The following GNAQ variants were observed in gnomAD, a reference collection of about 807,000 sequenced individuals.
The protein encoded by GNAQ is guanine nucleotide-binding protein G(q) subunit alpha.
A neutral mutation model predicts 43.9 loss-of-function variants in GNAQ; 8 were observed. The ratio of observed to expected loss-of-function variants is 0.18; its 90% CI spans 0.11 to 0.33. GNAQ has a LOEUF of 0.33. Among genes scored for constraint, GNAQ ranks in the 10% least tolerant of loss-of-function variants. The pLI is 1.00. For synonymous variants in GNAQ, 155 were observed against 170.7 expected (o/e 0.91, Z 0.71); for missense variants, 158 against 450.8 (o/e 0.35, Z 5.88).
At chr9:77,820,602 C>G in intron 2 of GNAQ, among the ~76,000 whole-genome samples, 1 of 152,296 alleles carries the variant, frequency 6.6e-6, no homozygotes, top group East Asian at 1.9e-4. Flanking sequence ...GAAAGATCTT[C>G]TGTGTGGAGT....
rs150457307 is a variant in GNAQ at position 77,872,953 on chromosome 9, G to A, written c.321+49208C>T. On this transcript the variant is annotated intron_variant, in intron 2 of 6. Coordinates refer to ENST00000286548, the MANE Select transcript of GNAQ (RefSeq NM_002072.5). Reference sequence around the variant, plus strand: ...GTCTGACAGAAGGAAGATCTGGCTTGGAGGTAAATAAGAGGATATTCTAGG... The same window carrying A: ...GTCTGACAGAAGGAAGATCTGGCTTAGAGGTAAATAAGAGGATATTCTAGG... 9.1e-4 allele frequency among the ~76,000 whole-genome samples: 138 copies of A among 152,328 alleles called. 1 individual carries two copies. The East Asian group carries it at 0.024, about 27-fold the overall frequency.
chr9:77,855,673 A>C (rs540817866), intron 2 of GNAQ, among the ~76,000 whole-genome samples: 3 of 152,254 alleles, frequency 2.0e-5, no homozygotes, highest in African/African-American at 7.2e-5. Flanking sequence ...TAATCTATTA[A>C]AGTATTTCAA....
intron 1 of GNAQ, among the ~76,000 whole-genome samples, chr9:77,984,570 T>C (rs1243248098): frequency 6.6e-6 from 1 of 152,180 alleles, no homozygotes; most frequent in African/African-American, 2.4e-5. Flanking sequence ...CGCATAATTT[T>C]TGGTTTCTGT....
chr9:77,979,553 G>A lies in GNAQ; in HGVS notation c.136+51547C>T, dbSNP rs1424973860. On this transcript the variant is annotated intron_variant, in intron 1 of 6. Coordinates refer to ENST00000286548, the MANE Select transcript of GNAQ (RefSeq NM_002072.5). ...TGCCCCTTACTAGGAAAGCACAAGG[G>A]AACAGTTAACGAGCTAAACAATTAA... Among the ~76,000 whole-genome samples, 16 of 151,850 alleles carry A rather than the reference G, an allele frequency of 1.1e-4. No individual in the cohort carries two copies. The East Asian group carries it at 3.1e-3, about 29-fold the overall frequency.
At chr9:78,003,186 G>A (rs1823664362) in intron 1 of GNAQ, among the ~76,000 whole-genome samples, 1 of 152,028 alleles carries the variant, frequency 6.6e-6, no homozygotes, top group Non-Finnish European at 1.5e-5. Flanking sequence ...AAATATAAAG[G>A]AGAATGTCCA....
chr9:77,987,637 C>T (rs905946894), intron 1 of GNAQ, among the ~76,000 whole-genome samples: 8 of 152,234 alleles, frequency 5.3e-5, no homozygotes, highest in Non-Finnish European at 1.2e-4. Context: ...CAACATCGTA[C>T]CAGGTCCTGT....
chr9:78,013,250 T>C, intron 1 of GNAQ, among the ~76,000 whole-genome samples: 1 of 152,108 alleles, frequency 6.6e-6, no homozygotes, highest in Admixed American at 6.5e-5. Context: ...TAACCATCAA[T>C]AAATCCTAGA....
intron 5 of GNAQ, among the ~76,000 whole-genome samples, chr9:77,753,086 C>CAAAA (rs547963667): frequency 9.4e-5 from 5 of 53,006 alleles, no homozygotes; most frequent in South Asian, 1.3e-3. Flanking sequence ...GACTCTGTCT[C>CAAAA]AAAAAAAAAA....
chr9:77,898,052 T>C (rs887092310), intron 2 of GNAQ, among the ~76,000 whole-genome samples: 7 of 151,946 alleles, frequency 4.6e-5, no homozygotes, highest in African/African-American at 1.7e-4. Context: ...AGAATTATCA[T>C]ATACCCTTAG....
chr9:77,940,107 G>A (rs1472595289), intron 1 of GNAQ, among the ~76,000 whole-genome samples: 1 of 152,044 alleles, frequency 6.6e-6, no homozygotes, highest in Non-Finnish European at 1.5e-5. Flanking sequence ...AAAGTATTCT[G>A]GAATAGAAGA....
chr9:77,837,741 T>C (rs1587939227), intron 2 of GNAQ, among the ~76,000 whole-genome samples: 1 of 151,920 alleles, frequency 6.6e-6, no homozygotes, highest in East Asian at 1.9e-4. Flanking sequence ...GATTGTAAAA[T>C]AGTAAAACAC....
At chr9:77,730,788 T>C (rs1368930457) in intron 5 of GNAQ, among the ~76,000 whole-genome samples, 1 of 152,244 alleles carries the variant, frequency 6.6e-6, no homozygotes, top group African/African-American at 2.4e-5. Context: ...GATAAGATTT[T>C]AAGCCCTGGA....
At chr9:77,916,972 C>T (rs1828917533) in intron 2 of GNAQ, among the ~76,000 whole-genome samples, 2 of 152,082 alleles carry the variant, frequency 1.3e-5, no homozygotes, top group South Asian at 4.1e-4. Flanking sequence ...GATTATAAGC[C>T]AACTATCAAA....
intron 5 of GNAQ, among the ~76,000 whole-genome samples, chr9:77,773,271 G>A (rs560165890): frequency 1.3e-5 from 2 of 152,182 alleles, no homozygotes; most frequent in Non-Finnish European, 2.9e-5. Flanking sequence ...AAATCAAAGA[G>A]TTCTCTTAAG....
intron 5 of GNAQ, among the ~76,000 whole-genome samples, chr9:77,764,810 G>A (rs1408865425): frequency 1.3e-5 from 2 of 152,076 alleles, no homozygotes; most frequent in African/African-American, 4.8e-5. Context: ...AACCACATGA[G>A]GAATAAAACC....
At chr9:77,752,605 C>T (rs1240175611) in intron 5 of GNAQ, among the ~76,000 whole-genome samples, 2 of 152,186 alleles carry the variant, frequency 1.3e-5, no homozygotes, top group East Asian at 1.9e-4. Context: ...GACTAGAACT[C>T]GGTTTTCTCA....
intron 2 of GNAQ, among the ~76,000 whole-genome samples, chr9:77,862,008 TA>T (rs56145947): frequency 0.69 from 81,030 of 117,894 alleles, 26,832 homozygotes; most frequent in Middle Eastern, 0.78. Context: ...CTGTCTGGGG[TA>T]AAAAAAAAAA....
chr9:78,028,690 T>G (rs2118623396), intron 1 of GNAQ, among the ~76,000 whole-genome samples: 1 of 152,312 alleles, frequency 6.6e-6, no homozygotes, highest in South Asian at 2.1e-4. Flanking sequence ...TCTAGATAGG[T>G]TTGTTTAAAT....
At chr9:77,789,338 G>A (rs1397111238) in intron 5 of GNAQ, among the ~76,000 whole-genome samples, 1 of 152,082 alleles carries the variant, frequency 6.6e-6, no homozygotes, top group Non-Finnish European at 1.5e-5. Context: ...CAAAGTGGAA[G>A]AAGATATTTG....
Sources: gnomAD v4.1 joint callset for allele counts (sites outside exome capture counted in the v4.1 genomes callset) on GRCh38, gnomAD v4.1.1 for gene constraint, MANE v1.5 for transcripts, NCBI Gene and HGNC (gene_info 2026-07-23, HGNC 2026-07-21) for gene names.